The following FOCAD variants were observed in gnomAD, a reference collection of about 807,000 sequenced individuals.
FOCAD encodes the protein KIAA1797.
In FOCAD, 198 loss-of-function variants were observed where a neutral mutation model predicts 225.6. The ratio of observed to expected loss-of-function variants is 0.88; its 90% CI spans 0.78 to 0.99. The LOEUF is 0.99. Among genes scored for constraint, FOCAD ranks in the 50% least tolerant of loss-of-function variants. The pLI, the probability that FOCAD is intolerant of heterozygous loss-of-function variation, is 0.00. For missense variants in FOCAD, 2,713 were observed against 2,123.6 expected, an observed-to-expected ratio of 1.28 and a Z score of -5.46; for synonymous variants, 897 against 755.0, an observed-to-expected ratio of 1.19 and a Z score of -3.08.
At chr9:20,922,243 C>G (rs1467348434) in intron 24 of FOCAD, among the ~76,000 whole-genome samples, 1 of 152,118 alleles carries the variant, frequency 6.6e-6, no homozygotes, top group Non-Finnish European at 1.5e-5. Context: ...CTGCTTAGAC[C>G]TCAAGGCTTC....
chr9:20,967,291 A>AT (rs1267105134), intron 35 of FOCAD, among the ~76,000 whole-genome samples: 1 of 152,020 alleles, frequency 6.6e-6, no homozygotes, highest in Non-Finnish European at 1.5e-5. Flanking sequence ...TGCAAGTGGA[A>AT]TTTTTTCTAA....
At chr9:20,661,685 T>C (rs551370313) in intron 2 of FOCAD, among the ~76,000 whole-genome samples, 2 of 152,354 alleles carry the variant, frequency 1.3e-5, no homozygotes, top group African/African-American at 4.8e-5. Context: ...AATTTTCATA[T>C]TGCTAAACAT....
intron 9 of FOCAD, among the ~76,000 whole-genome samples, chr9:20,779,545 G>C (rs1819151938): frequency 6.6e-6 from 1 of 152,136 alleles, no homozygotes; most frequent in African/African-American, 2.4e-5. Context: ...TCAGGAGTTC[G>C]AGACCAAGCC....
intron 1 of FOCAD, among the ~76,000 whole-genome samples, chr9:20,711,937 T>C (rs1824882066): frequency 1.3e-5 from 2 of 152,102 alleles, no homozygotes; most frequent in South Asian, 4.1e-4. Context: ...AGTAAAACAG[T>C]GTTTCCCAGT....
chr9:20,815,314 T>TA (rs1823611124), intron 11 of FOCAD, among the ~76,000 whole-genome samples: 1 of 149,970 alleles, frequency 6.7e-6, no homozygotes. Flanking sequence ...TTGTAGTTTT[T>TA]TTTTTTTTTT....
chr9:20,801,501 G>A (rs2131288339), intron 11 of FOCAD, among the ~76,000 whole-genome samples: 1 of 152,256 alleles, frequency 6.6e-6, no homozygotes, highest in Admixed American at 6.5e-5. Flanking sequence ...CATTTTAATT[G>A]TAATTTAGGA....
intron 3 of FOCAD, among the ~76,000 whole-genome samples, chr9:20,720,037 T>A (rs1825653884): frequency 6.6e-6 from 1 of 152,176 alleles, no homozygotes; most frequent in African/African-American, 2.4e-5. Flanking sequence ...CTAGCTGATA[T>A]ACTATTAGTG....
intron 5 of FOCAD, among the ~76,000 whole-genome samples, chr9:20,747,917 T>C (rs1190570195): frequency 6.6e-6 from 1 of 151,968 alleles, no homozygotes; most frequent in Non-Finnish European, 1.5e-5. Flanking sequence ...AGTTTAGTTA[T>C]TGTTTTTCAT....
chr9:20,984,630 T>G (rs1840988175), intron 39 of FOCAD, among the ~76,000 whole-genome samples: 1 of 152,210 alleles, frequency 6.6e-6, no homozygotes, highest in African/African-American at 2.4e-5. Context: ...TCATGGCAGC[T>G]TCTTCATTCC....
At chr9:20,964,262 G>T (rs1404804412) in intron 35 of FOCAD, among the ~76,000 whole-genome samples, 1 of 152,088 alleles carries the variant, frequency 6.6e-6, no homozygotes, top group Non-Finnish European at 1.5e-5. Flanking sequence ...AGCTACTCAG[G>T]AGGCTGAGGC....
chr9:20,772,704 G>A (rs2131024488), intron 8 of FOCAD, among the ~76,000 whole-genome samples: 1 of 152,204 alleles, frequency 6.6e-6, no homozygotes, highest in East Asian at 1.9e-4. Flanking sequence ...GGAATTAAGG[G>A]AGTGTGAATG....
intron 21 of FOCAD, among the ~76,000 whole-genome samples, chr9:20,889,259 C>T (rs1831401532): frequency 6.6e-6 from 1 of 152,124 alleles, no homozygotes; most frequent in Non-Finnish European, 1.5e-5. Context: ...GCTTCTTTCA[C>T]TTAGTATAAT....
intron 16 of FOCAD, among the ~76,000 whole-genome samples, chr9:20,865,588 A>G (rs4977584): frequency 0.66 from 100,278 of 151,966 alleles, 33,483 homozygotes; most frequent in African/African-American, 0.75. Flanking sequence ...GTATGGCCAC[A>G]TGGAGAAAGG....
chr9:20,866,269 T>A (rs934229966), intron 17 of FOCAD, among the ~76,000 whole-genome samples: 2 of 106,140 alleles, frequency 1.9e-5, no homozygotes, highest in African/African-American at 5.2e-5. Flanking sequence ...CTTTCCTGCT[T>A]TGCCCCTTCC....
chr9:20,880,976 G>C (rs1315322415), intron 19 of FOCAD, among the ~76,000 whole-genome samples: 1 of 152,064 alleles, frequency 6.6e-6, no homozygotes, highest in Non-Finnish European at 1.5e-5. Context: ...TATACATCCT[G>C]TTGTCTTCTG....
chr9:20,724,134 A>G (rs967274116), intron 4 of FOCAD, among the ~76,000 whole-genome samples: 2 of 152,242 alleles, frequency 1.3e-5, no homozygotes, highest in African/African-American at 4.8e-5. Flanking sequence ...CTCATCTCCA[A>G]CATTTAGAAT....
chr9:20,771,211 G>T (rs1435219940), intron 8 of FOCAD, among the ~76,000 whole-genome samples: 1 of 152,164 alleles, frequency 6.6e-6, no homozygotes, highest in African/African-American at 2.4e-5. Context: ...AGGATGTTGG[G>T]TATTGTTGAA....
chr9:20,821,032 T>C lies in FOCAD; in HGVS notation c.1754T>C (p.Ile585Thr), dbSNP rs1824268480. 6.2e-7 allele frequency: 1 copy of C among 1,612,780 alleles called. No individual in the cohort carries two copies. The highest frequency in any genetic ancestry group is 8.5e-7 in the Non-Finnish European group (1 of 1,179,146). The change falls in exon 14 of 44, where the codon ATT becomes ACT. Residue 585 changes from isoleucine (I) to threonine (T), a missense_variant. Ile to Thr is a moderately conservative substitution (Grantham distance 89, BLOSUM62 -1). Transcript: ENST00000338382. ...AAGGAAGTCCAATGGGAGAAACTGA[T>C]TGCAAAAGCAGCATCAATCAGAGAT... ...VGKEVQWEKL[I>T]AKAASIRDIC...
chr9:20,701,944 A>C lies in FOCAD; in HGVS notation c.-32-13378A>C, dbSNP rs1183564767. On this transcript the variant is annotated intron_variant, in intron 1 of 43. Transcript: ENST00000338382. The stretch of plus-strand genomic sequence containing the variant: ...ATTTAAAGATTTATTTGATTTCCTG[A>C]GATGCAGCAAAATATAATGGAAAAA... Among the ~76,000 whole-genome samples the C allele has an allele frequency of 2.0e-5, 3 of 152,338 alleles. No homozygotes were observed. In the East Asian group the frequency reaches 5.8e-4, roughly 29 times the overall value.
Sources: gnomAD v4.1 joint callset for allele counts (sites outside exome capture counted in the v4.1 genomes callset) on GRCh38, gnomAD v4.1.1 for gene constraint, MANE v1.5 for transcripts, NCBI Gene and HGNC (gene_info 2026-07-23, HGNC 2026-07-21) for gene names.